PCDHGB2: variants seen among roughly 807,000 people sequenced by gnomAD.
PCDHGB2 encodes protocadherin gamma-B2.
Under a neutral mutation model 59.3 loss-of-function variants are expected in PCDHGB2, and 55 were observed. That is an observed-to-expected ratio of 0.93 (90% CI 0.75 to 1.16). The LOEUF (loss-of-function observed/expected upper bound fraction) is 1.16, where lower values mean the gene tolerates loss of function less well. Among genes scored for constraint, PCDHGB2 ranks in the 50% most tolerant of loss-of-function variants. The probability of loss-of-function intolerance (pLI) is 0.00; values close to 1 mark genes in which losing one functional copy is unlikely to be tolerated. For synonymous variants in PCDHGB2, 516 were observed against 512.0 expected (o/e 1.01, Z -0.11); for missense variants, 1,228 against 1,198.5 (o/e 1.02, Z -0.36).
Position 141,512,040 on chromosome 5 carries a change from A to G in PCDHGB2, c.*867A>G, listed in dbSNP as rs775766584. 1.3e-5 allele frequency: 2 copies of G among 152,838 alleles called. No homozygotes were observed. The highest frequency in any genetic ancestry group is 2.9e-5 in the Non-Finnish European group (2 of 68,198). 9.5% of individuals were successfully genotyped at this position (152,838 alleles called of 1,614,324 possible). A position where few individuals can be genotyped will look rare whatever the true frequency, so the allele number is the denominator to read the frequency against. ...ATCAAGGCCTTGGAGGAGGCTCTGT[A>G]TGTCCTCAGGGGACTGACAACATCC... On this transcript the variant is annotated 3_prime_UTR_variant, in exon 4 of 4. Coordinates refer to ENST00000522605, the MANE Select transcript of PCDHGB2 (RefSeq NM_018923.3).
At chr5:141,427,712 C>CCTGG (rs1319672065) in intron 1 of PCDHGB2, 7 of 1,051,350 alleles carry the variant, frequency 6.7e-6, no homozygotes, top group Non-Finnish European at 1.0e-5. Context: ...GCGCCTCTGA[C>CCTGG]CTGGACCTAG....
At chr5:141,388,622 A>G (rs754411917) in intron 1 of PCDHGB2, 3 of 1,613,952 alleles carry the variant, frequency 1.9e-6, no homozygotes, top group South Asian at 1.1e-5. Flanking sequence ...GTCAAGACGT[A>G]TACAGGGTGA....
At chr5:141,430,883 G>T in intron 1 of PCDHGB2, 1 of 1,601,036 alleles carries the variant, frequency 6.2e-7, no homozygotes, top group Non-Finnish European at 8.5e-7. Context: ...GCTGGAGAAA[G>T]GCTCTAGGGT....
rs990493129 is a variant in PCDHGB2 at position 141,449,560 on chromosome 5, G to C, written c.2422-45247G>C. On this transcript the variant is annotated intron_variant, in intron 1 of 3. Coordinates refer to ENST00000522605, the MANE Select transcript of PCDHGB2 (RefSeq NM_018923.3). ...GCCGAGATCGCACCACTGCACTCCA[G>C]CCTGGGCGACAGAGCAAGACTCTGT... Among the ~76,000 whole-genome samples, 4 of 145,056 alleles carry C rather than the reference G, an allele frequency of 2.8e-5. No homozygotes were observed. The Admixed American group carries it at 2.8e-4, about 10-fold the overall frequency.
At chr5:141,420,747 A>T (rs2096522944) in intron 1 of PCDHGB2, among the ~76,000 whole-genome samples, 1 of 152,220 alleles carries the variant, frequency 6.6e-6, no homozygotes, top group South Asian at 2.1e-4. Flanking sequence ...ATTGGAACCA[A>T]CTACAACCTA....
chr5:141,486,337 C>T lies in PCDHGB2; in HGVS notation c.2422-8470C>T, dbSNP rs116799150. On this transcript the variant is annotated intron_variant, in intron 1 of 3. Coordinates refer to ENST00000522605, the MANE Select transcript of PCDHGB2 (RefSeq NM_018923.3). The surrounding 1 kb of genome is among the most constrained non-coding windows in gnomAD (Gnocchi z 5.0). ...GGTCAAACGGAGATGTGAGCCTCCG[C>T]ATTCCTGACCACTTGCCATTTGCCC... 1 of 1,614,076 alleles carries T rather than the reference C, an allele frequency of 6.2e-7. No homozygotes were observed. Among genetic ancestry groups the T allele is most frequent in the Non-Finnish European group, 8.5e-7 (1 of 1,179,966 alleles).
chr5:141,436,309 T>C (rs1228417864), intron 1 of PCDHGB2, among the ~76,000 whole-genome samples: 1 of 152,198 alleles, frequency 6.6e-6, no homozygotes, highest in Non-Finnish European at 1.5e-5. Flanking sequence ...AGAGCATGAA[T>C]AGTCAAGACT....
chr5:141,376,685 T>TTGTTTGTTTG (rs1554084826), intron 1 of PCDHGB2: 2 of 813,646 alleles, frequency 2.5e-6, no homozygotes, highest in African/African-American at 3.8e-5. Flanking sequence ...CGTTTTTTTT[T>TTGTTTGTTTG]TTTTTTTTTT....
intron 1 of PCDHGB2, chr5:141,364,858 G>A (rs199575653): frequency 5.2e-5 from 84 of 1,613,888 alleles, no homozygotes; most frequent in Admixed American, 5.0e-4. Flanking sequence ...GCTCCAATCT[G>A]CACTTCTCTC....
intron 1 of PCDHGB2, chr5:141,370,872 C>A (rs201155008): frequency 6.2e-7 from 1 of 1,614,014 alleles, no homozygotes; most frequent in Admixed American, 1.7e-5. Flanking sequence ...TGCGCAAGAT[C>A]CTGATGTAGG....
At chr5:141,400,242 G>A (rs757952126) in intron 1 of PCDHGB2, 14 of 1,613,894 alleles carry the variant, frequency 8.7e-6, no homozygotes, top group Middle Eastern at 1.6e-4. Context: ...CCGTGATTCT[G>A]GCCGTTGCCT....
At chr5:141,502,494 A>G (rs928571740) in intron 2 of PCDHGB2, among the ~76,000 whole-genome samples, 2 of 152,180 alleles carry the variant, frequency 1.3e-5, no homozygotes, top group South Asian at 2.1e-4. Context: ...GGACTCATCT[A>G]ACGTCGGCCT....
chr5:141,414,351 G>C (rs771256149), intron 1 of PCDHGB2: 2 of 1,613,676 alleles, frequency 1.2e-6, no homozygotes, highest in Non-Finnish European at 1.7e-6. Context: ...CCATTTTGGC[G>C]TATCTACCAT....
At chr5:141,404,593 A>G in intron 1 of PCDHGB2, 1 of 1,614,080 alleles carries the variant, frequency 6.2e-7, no homozygotes, top group Non-Finnish European at 8.5e-7. Context: ...GCAATGTGTC[A>G]TTGAGACTGT....
At position 141,362,106 on chromosome 5, in the gene PCDHGB2, G is replaced by A; in HGVS notation, c.1971G>A (p.Thr657=). ...RDGGQPPLSA[T]ATLHLIFADS... ...GAGGACAGCCGCCACTCTCCGCTAC[G>A]GCCACGCTGCACCTAATCTTCGCGG... Residue 657 remains threonine (T), a synonymous_variant, in exon 1 of 4, where the codon ACG becomes ACA. Coordinates refer to ENST00000522605, the MANE Select transcript of PCDHGB2 (RefSeq NM_018923.3). 6.2e-7 allele frequency: 1 copy of A among 1,612,496 alleles called. No homozygotes were observed. The highest frequency in any genetic ancestry group is 8.5e-7 in the Non-Finnish European group (1 of 1,178,904).
At chr5:141,365,764 CCCCG>C (rs1764103284) in intron 1 of PCDHGB2, 3 of 1,613,772 alleles carry the variant, frequency 1.9e-6, no homozygotes, top group Middle Eastern at 3.3e-4. Context: ...CAGCCCATGA[CCCCG>C]ACAGCGGCGA....
At position 141,447,650 on chromosome 5, in the gene PCDHGB2, T is replaced by C. The variant is rs555134653; in HGVS notation, c.2422-47157T>C. Reference sequence around the variant, plus strand: ...AACAGTATGAATGATGGTAGAATTTTCCCCCCCAGGAAGTTAGAACTGTTC... The same window carrying C: ...AACAGTATGAATGATGGTAGAATTTCCCCCCCCAGGAAGTTAGAACTGTTC... On this transcript the variant is annotated intron_variant, in intron 1 of 3. Transcript: ENST00000522605. Among the ~76,000 whole-genome samples, 24 of 152,106 alleles carry C rather than the reference T, an allele frequency of 1.6e-4. No homozygotes were observed. The South Asian group carries it at 2.3e-3, about 15-fold the overall frequency.
chr5:141,372,798 A>T (rs900906773), intron 1 of PCDHGB2: 2 of 1,597,288 alleles, frequency 1.3e-6, no homozygotes, highest in Non-Finnish European at 1.7e-6. Flanking sequence ...TAATTCAGGC[A>T]ATTTGCAAAA....
intron 1 of PCDHGB2, among the ~76,000 whole-genome samples, chr5:141,483,010 G>C (rs574078222): frequency 6.6e-6 from 1 of 152,006 alleles, no homozygotes; most frequent in Non-Finnish European, 1.5e-5. Flanking sequence ...GCTTGAACCC[G>C]GGAGGCAGAG....
Sources: allele counts gnomAD v4.1 joint callset (sites outside exome capture counted in the v4.1 genomes callset), GRCh38; gene constraint gnomAD v4.1.1; non-coding constraint Gnocchi (gnomAD v3.1); transcripts MANE v1.5; gene names NCBI Gene and HGNC (gene_info 2026-07-23, HGNC 2026-07-21).